Variants in DIP2C observed in about 807,000 individuals in gnomAD.
DIP2C encodes the protein DIP2 acetate--CoA ligase C (putative).
In DIP2C, 33 loss-of-function variants were observed where a neutral mutation model predicts 192.4. That is an observed-to-expected ratio of 0.17 (90% CI 0.13 to 0.23). DIP2C has a LOEUF of 0.23. Among genes scored for constraint, DIP2C ranks in the 10% least tolerant of loss-of-function variants. The pLI is 1.00. For synonymous variants in DIP2C, 979 were observed against 864.1 expected, an observed-to-expected ratio of 1.13 and a Z score of -2.33; for missense variants, 1,537 against 2,110.1, an observed-to-expected ratio of 0.73 and a Z score of 5.32.
intron 1 of DIP2C, chr10:667,705 G>C (rs1002078448): frequency 6.7e-6 from 1 of 148,628 alleles, no homozygotes; most frequent in African/African-American, 2.5e-5. Context: ...TACAGCACAC[G>C]TAACACATAC....
chr10:472,168 TAAA>T (rs1321837297), intron 3 of DIP2C, among the ~76,000 whole-genome samples: 3 of 152,184 alleles, frequency 2.0e-5, no homozygotes, highest in Admixed American at 6.5e-5. Flanking sequence ...CAGTGACACC[TAAA>T]AAAGAAAAAT....
In DIP2C at chr10:525,662, G is replaced by A; in HGVS notation, c.86-39132C>T. Among the ~76,000 whole-genome samples, 2 of 152,186 alleles carry A rather than the reference G, an allele frequency of 1.3e-5. 1 individual carries two copies. The highest frequency in any genetic ancestry group is 2.9e-5 in the Non-Finnish European group (2 of 68,038). ...CCACTGAGGACAGGGAGAGAACAGG[G>A]TAGGATAACAGGCCTTTGAATGCTT... is the stretch of plus-strand genomic sequence containing the variant. On this transcript the variant is annotated intron_variant, in intron 1 of 36. Coordinates refer to ENST00000280886, the MANE Select transcript of DIP2C (RefSeq NM_014974.3).
intron 1 of DIP2C, among the ~76,000 whole-genome samples, chr10:577,480 T>G (rs776097325): frequency 1.2e-4 from 19 of 152,200 alleles, no homozygotes; most frequent in Non-Finnish European, 2.6e-4. Context: ...ATGAAGGTGG[T>G]AAGAGCTTCG....
intron 1 of DIP2C, among the ~76,000 whole-genome samples, chr10:657,921 GTCC>G (rs1856486328): frequency 6.6e-6 from 1 of 151,786 alleles, no homozygotes. Context: ...CACTGGACCT[GTCC>G]CTGGACCTGC....
chr10:647,300 G>A (rs1334197882), intron 1 of DIP2C, among the ~76,000 whole-genome samples: 3 of 149,900 alleles, frequency 2.0e-5, no homozygotes, highest in African/African-American at 4.9e-5. Context: ...CTGAGTCCAC[G>A]TCCACATTGG....
chr10:484,934 C>T, intron 2 of DIP2C: 1 of 1,607,336 alleles, frequency 6.2e-7, no homozygotes, highest in East Asian at 2.2e-5. Context: ...CGAACCACGG[C>T]AGCTCCATTC....
At chr10:346,747 CA>C (rs1400555539) in intron 26 of DIP2C, among the ~76,000 whole-genome samples, 2 of 135,762 alleles carry the variant, frequency 1.5e-5, no homozygotes, top group Admixed American at 7.1e-5. Context: ...CCAGACACAT[CA>C]CGCATAGTTC....
intron 31 of DIP2C, among the ~76,000 whole-genome samples, chr10:321,687 G>A (rs3125041): frequency 0.3 from 502 of 1,660 alleles, 75 homozygotes; most frequent in Middle Eastern, 0.5. Context: ...GCGGGGCTCC[G>A]GCGAGAGACC....
chr10:599,504 G>A (rs1396518716), intron 1 of DIP2C, among the ~76,000 whole-genome samples: 3 of 152,178 alleles, frequency 2.0e-5, no homozygotes, highest in South Asian at 2.1e-4. Context: ...CTTCCCAGTC[G>A]AAGGAAGCAG....
At chr10:331,635 G>C (rs1186319264) in intron 29 of DIP2C, among the ~76,000 whole-genome samples, 2 of 152,220 alleles carry the variant, frequency 1.3e-5, no homozygotes, top group East Asian at 1.9e-4. Flanking sequence ...GAAGTGCATA[G>C]GTGATGTGCT....
rs1364041795 is a variant in DIP2C at position 362,687 on chromosome 10, A to G, written c.2597T>C (p.Ile866Thr). The G allele has an allele frequency of 6.2e-7, 1 of 1,605,684 alleles. No individual in the cohort carries two copies. Among genetic ancestry groups the G allele is most frequent in the Non-Finnish European group, 8.5e-7 (1 of 1,175,418 alleles). Residue 866 changes from isoleucine (I) to threonine (T), a missense_variant, in exon 22 of 37, where the codon ATT becomes ACT. Transcript: ENST00000280886. The part of the protein sequence containing the change: ...FQWMSRVLQA[I>T]DSIHQVGVYC... ...AACTCCAACTTGATGTATACTGTCA[A>G]TCGCCTAGAAAGTTAATAAAGAGGA... is the stretch of plus-strand genomic sequence containing the variant.
At chr10:485,203 A>T (rs1019432763) in intron 2 of DIP2C, among the ~76,000 whole-genome samples, 1 of 152,226 alleles carries the variant, frequency 6.6e-6, no homozygotes, top group African/African-American at 2.4e-5. Flanking sequence ...AGTTAAAACC[A>T]ACAGCGTCCG....
intron 1 of DIP2C, among the ~76,000 whole-genome samples, chr10:684,988 G>T (rs1015182971): frequency 7.3e-5 from 11 of 151,392 alleles, no homozygotes; most frequent in Non-Finnish European, 1.5e-4. Flanking sequence ...CAAAAAATTA[G>T]CCGGGTGTGG....
At chr10:547,173 C>T (rs1026213164) in intron 1 of DIP2C, among the ~76,000 whole-genome samples, 2 of 152,182 alleles carry the variant, frequency 1.3e-5, no homozygotes, top group African/African-American at 4.8e-5. Flanking sequence ...GGTGCTGCAG[C>T]GGGACTGAAG....
In DIP2C at chr10:293,416, A is replaced by C. The variant is rs1003398212; in HGVS notation, c.3987-4995T>G. On this transcript the variant is annotated intron_variant, in intron 32 of 36. Transcript: ENST00000280886. ...TTTATGAATGTGCCGCTGAAAAAACAACCAAAACTTTTACTTAATATTTTA... is the reference window on the plus strand; with the variant it reads ...TTTATGAATGTGCCGCTGAAAAAACCACCAAAACTTTTACTTAATATTTTA... Among the ~76,000 whole-genome samples, 3 of 152,348 alleles carry C rather than the reference A, an allele frequency of 2.0e-5. No homozygotes were observed. In the South Asian group the frequency reaches 6.2e-4, roughly 32 times the overall value.
chr10:453,999 A>T (rs1197922867), intron 3 of DIP2C, among the ~76,000 whole-genome samples: 1 of 152,230 alleles, frequency 6.6e-6, no homozygotes, highest in African/African-American at 2.4e-5. Flanking sequence ...CACTTCACAA[A>T]CACAACTCAA....
chr10:509,745 C>G (rs1382236624), intron 1 of DIP2C, among the ~76,000 whole-genome samples: 1 of 152,156 alleles, frequency 6.6e-6, no homozygotes, highest in East Asian at 1.9e-4. Context: ...AAAGTCGCTC[C>G]CATCCTGGAG....
At chr10:494,140 A>AC (rs748108105) in intron 1 of DIP2C, among the ~76,000 whole-genome samples, 45 of 152,260 alleles carry the variant, frequency 3.0e-4, no homozygotes, top group South Asian at 8.3e-4. Context: ...ACACTATGTG[A>AC]CCCCCTTCTT....
intron 1 of DIP2C, among the ~76,000 whole-genome samples, chr10:575,425 G>A (rs1361718017): frequency 2.0e-5 from 3 of 152,172 alleles, no homozygotes; most frequent in African/African-American, 7.2e-5. Flanking sequence ...GAAAGGAGCT[G>A]GGATCAAGTG....
Sources: gnomAD v4.1 joint callset for allele counts (sites outside exome capture counted in the v4.1 genomes callset) on GRCh38, gnomAD v4.1.1 for gene constraint, MANE v1.5 for transcripts, NCBI Gene and HGNC (gene_info 2026-07-23, HGNC 2026-07-21) for gene names.